The following DENND1A variants were observed in gnomAD, a reference collection of about 807,000 sequenced individuals.
The protein encoded by DENND1A is DENN domain containing 1A.
A neutral mutation model predicts 113.7 loss-of-function variants in DENND1A; 51 were observed. That is an observed-to-expected ratio of 0.45 (90% confidence interval 0.36 to 0.57). DENND1A has a LOEUF of 0.57. Ranked by LOEUF, DENND1A falls within the 20% of genes least tolerant of loss-of-function variation. The pLI is 0.00. For missense variants in DENND1A, 1,258 were observed against 1,395.9 expected (o/e 0.90, Z 1.57); for synonymous variants, 565 against 570.8 (o/e 0.99, Z 0.14).
At chr9:123,818,232 G>A (rs1837834545) in intron 2 of DENND1A, among the ~76,000 whole-genome samples, 1 of 151,570 alleles carries the variant, frequency 6.6e-6, no homozygotes, top group Non-Finnish European at 1.5e-5. Context: ...AGCCTCCCGA[G>A]TAGCTGGGAC....
At chr9:123,476,155 G>C (rs1360500819) in intron 13 of DENND1A, among the ~76,000 whole-genome samples, 2 of 151,718 alleles carry the variant, frequency 1.3e-5, no homozygotes, top group African/African-American at 4.9e-5. Flanking sequence ...TTGCACTACA[G>C]CCTGGGTGAC....
In DENND1A at chr9:123,454,784, G is replaced by C. The variant is rs1351792128; in HGVS notation, c.1187-5C>G. On this transcript the variant is annotated splice_polypyrimidine_tract_variant and splice_region_variant and intron_variant, in intron 15 of 23. Transcript: ENST00000394215. Reference sequence around the variant, plus strand: ...GATGGTACAGTTTGTCACTGCCTGGGGAAAGAGAATTCAGAGAAGCTGTCA... The same window carrying C: ...GATGGTACAGTTTGTCACTGCCTGGCGAAAGAGAATTCAGAGAAGCTGTCA... 3.9e-6 allele frequency: 6 copies of C among 1,554,784 alleles called. No homozygotes were observed. The Admixed American group carries it at 1.2e-4, about 30-fold the overall frequency.
intron 2 of DENND1A, among the ~76,000 whole-genome samples, chr9:123,834,883 G>A (rs992627671): frequency 5.9e-5 from 9 of 152,074 alleles, no homozygotes; most frequent in South Asian, 2.1e-4. Context: ...CATCCTTTTC[G>A]TTCCATGTTT....
chr9:123,568,249 T>C (rs138552598), intron 12 of DENND1A, among the ~76,000 whole-genome samples: 2 of 152,344 alleles, frequency 1.3e-5, no homozygotes, highest in Non-Finnish European at 2.9e-5. Flanking sequence ...CTGGCTCTCC[T>C]CCTGGCAATT....
chr9:123,474,384 G>A (rs2049724120), intron 13 of DENND1A, among the ~76,000 whole-genome samples: 1 of 152,184 alleles, frequency 6.6e-6, no homozygotes, highest in Admixed American at 6.5e-5. Flanking sequence ...AACATCAGCT[G>A]TTATTACCGT....
chr9:123,629,492 A>G (rs901887516), intron 10 of DENND1A, among the ~76,000 whole-genome samples: 2 of 152,102 alleles, frequency 1.3e-5, no homozygotes, highest in Admixed American at 6.5e-5. Context: ...CTGCGGAAAC[A>G]TTTTCTGAGC....
At chr9:123,410,832 G>C (rs1286377832) in intron 20 of DENND1A, among the ~76,000 whole-genome samples, 1 of 152,182 alleles carries the variant, frequency 6.6e-6, no homozygotes, top group South Asian at 2.1e-4. Flanking sequence ...CTGAATGGTA[G>C]ATGGAGAAAC....
intron 13 of DENND1A, among the ~76,000 whole-genome samples, chr9:123,495,141 T>TTCTCCCTCTC (rs2051767020): frequency 7.1e-6 from 1 of 140,560 alleles, no homozygotes; most frequent in South Asian, 2.3e-4. Flanking sequence ...CATTGTCTCT[T>TTCTCCCTCTC]TCTCTCTCTC....
intron 13 of DENND1A, among the ~76,000 whole-genome samples, chr9:123,483,657 G>T (rs550111606): frequency 2.0e-5 from 3 of 152,272 alleles, no homozygotes; most frequent in Admixed American, 6.5e-5. Flanking sequence ...GTGTCCTGGG[G>T]TGGCTCCGGC....
chr9:123,606,959 A>G (rs1218843164), intron 11 of DENND1A, among the ~76,000 whole-genome samples: 1 of 152,174 alleles, frequency 6.6e-6, no homozygotes, highest in Non-Finnish European at 1.5e-5. Flanking sequence ...GAGGGTTGGG[A>G]ATGTGGATAT....
At chr9:123,845,260 T>C (rs1842422188) in intron 2 of DENND1A, among the ~76,000 whole-genome samples, 3 of 151,694 alleles carry the variant, frequency 2.0e-5, no homozygotes, top group Non-Finnish European at 4.4e-5. Flanking sequence ...CCAAAACAAC[T>C]CAATGGAGAA....
chr9:123,772,292 C>T (rs959838302), intron 3 of DENND1A, among the ~76,000 whole-genome samples: 2 of 152,128 alleles, frequency 1.3e-5, no homozygotes, highest in Admixed American at 6.5e-5. Flanking sequence ...TACCACTCTC[C>T]AAGAGTGGGG....
intron 2 of DENND1A, among the ~76,000 whole-genome samples, chr9:123,855,180 G>C (rs1268711519): frequency 6.6e-6 from 1 of 151,098 alleles, no homozygotes; most frequent in Non-Finnish European, 1.5e-5. Context: ...CATTTAGCTA[G>C]CTACCTACTG....
intron 5 of DENND1A, among the ~76,000 whole-genome samples, chr9:123,682,512 C>A (rs569142547): frequency 5.3e-5 from 8 of 152,098 alleles, no homozygotes; most frequent in Non-Finnish European, 1.2e-4. Flanking sequence ...GGCAAAGCAT[C>A]CCTTGGTTAA....
chr9:123,824,283 C>G (rs533426365), intron 2 of DENND1A, among the ~76,000 whole-genome samples: 20 of 152,214 alleles, frequency 1.3e-4, no homozygotes, highest in African/African-American at 4.3e-4. Context: ...CACTCTAAAC[C>G]CCAGTACCAC....
chr9:123,883,315 ACACAGCCAGTGC>A lies in DENND1A; in HGVS notation c.18-4306_18-4295del, dbSNP rs1349585252. The stretch of plus-strand genomic sequence containing the variant: ...CCCTGGTGCCTGGGAAGTGACTGGC[ACACAGCCAGTGC>A]CACCTAAATACTGGGTAGAAGGCAT... On this transcript the variant is annotated intron_variant, in intron 1 of 23. Transcript: ENST00000394215. Among the ~76,000 whole-genome samples, 7 of 152,230 alleles carry A rather than the reference ACACAGCCAGTGC, an allele frequency of 4.6e-5. No homozygotes were observed. In the South Asian group the frequency reaches 1.5e-3, roughly 32 times the overall value.
At chr9:123,438,920 A>G (rs1460174467) in intron 19 of DENND1A, among the ~76,000 whole-genome samples, 1 of 152,236 alleles carries the variant, frequency 6.6e-6, no homozygotes, top group Non-Finnish European at 1.5e-5. Context: ...TAACACCATG[A>G]AATCCCTCTC....
intron 6 of DENND1A, 110 bp downstream of exon 6, chr9:123,676,610 T>C (rs2064090023): frequency 1.0e-6 from 1 of 964,308 alleles, no homozygotes; most frequent in African/African-American, 1.7e-5. Flanking sequence ...CCAAAATTCC[T>C]ATAATGGGCA....
At chr9:123,546,712 G>A (rs1004011068) in intron 13 of DENND1A, among the ~76,000 whole-genome samples, 3 of 152,136 alleles carry the variant, frequency 2.0e-5, no homozygotes, top group African/African-American at 2.4e-5. Flanking sequence ...ACTATGTGAG[G>A]GACATCAATG....
Sources: gnomAD v4.1 joint callset for allele counts (sites outside exome capture counted in the v4.1 genomes callset) on GRCh38, gnomAD v4.1.1 for gene constraint, MANE v1.5 for transcripts, NCBI Gene and HGNC (gene_info 2026-07-23, HGNC 2026-07-21) for gene names.